The following PRKAR2B variants were observed in gnomAD, a reference collection of about 807,000 sequenced individuals.
The protein encoded by PRKAR2B is protein kinase cAMP-dependent type II regulatory subunit beta, also known as cAMP-dependent protein kinase type II-beta regulatory subunit.
Under a neutral mutation model 49.9 loss-of-function variants are expected in PRKAR2B, and 14 were observed. The observed-to-expected ratio is 0.28, with a 90% CI of 0.19 to 0.44. The LOEUF is 0.44. PRKAR2B is among the 20% of genes least tolerant of loss of function. The probability of loss-of-function intolerance (pLI) is 1.00; values close to 1 mark genes in which losing one functional copy is unlikely to be tolerated. For synonymous variants in PRKAR2B, 196 were observed against 197.7 expected (o/e 0.99, Z 0.07); for missense variants, 393 against 537.9 (o/e 0.73, Z 2.67).
chr7:107,114,324 C>CTG (rs58110858), intron 2 of PRKAR2B, among the ~76,000 whole-genome samples: 5,437 of 130,648 alleles, frequency 0.042, 133 homozygotes, highest in African/African-American at 0.077. Context: ...GCATGTACAG[C>CTG]TGTGTGTGTG....
intron 2 of PRKAR2B, among the ~76,000 whole-genome samples, chr7:107,101,369 T>G (rs1467529993): frequency 6.6e-6 from 1 of 152,124 alleles, no homozygotes; most frequent in Non-Finnish European, 1.5e-5. Flanking sequence ...TTAGGCAGTT[T>G]TCAAGTATAC....
chr7:107,045,359 C>T, intron 1 of PRKAR2B, 145 bp downstream of exon 1: 1 of 678,916 alleles, frequency 1.5e-6, no homozygotes, highest in Non-Finnish European at 2.4e-6. Context: ...CTCGCCCACC[C>T]CCTCAGCATC....
At chr7:107,092,082 A>T (rs11760966) in intron 2 of PRKAR2B, among the ~76,000 whole-genome samples, 18,228 of 152,128 alleles carry the variant, frequency 0.12, 1,294 homozygotes, top group African/African-American at 0.19. Context: ...ATGTTCAGGG[A>T]ATAGTGAATA....
At position 107,151,393 on chromosome 7, in the gene PRKAR2B, T is replaced by G. The variant is rs79188305; in HGVS notation, c.843+370T>G. On this transcript the variant is annotated intron_variant, in intron 7 of 10. Coordinates refer to ENST00000265717, the MANE Select transcript of PRKAR2B (RefSeq NM_002736.3). The stretch of plus-strand genomic sequence containing the variant: ...CTCTGGCCTCTTCCTCTCAGTCATC[T>G]TTGCTGTTTATTCCTCTTTTCTTCT... Among the ~76,000 whole-genome samples, 1,265 of 152,338 alleles carry G rather than the reference T, an allele frequency of 8.3e-3. 24 individuals carry two copies. The highest frequency in any genetic ancestry group is 0.028 in the African/African-American group (1,149 of 41,576).
At chr7:107,101,812 C>G (rs1026211684) in intron 2 of PRKAR2B, among the ~76,000 whole-genome samples, 1 of 150,040 alleles carries the variant, frequency 6.7e-6, no homozygotes, top group Non-Finnish European at 1.5e-5. Context: ...AAATCAGTAG[C>G]TATTTTTATG....
At chr7:107,113,308 C>T (rs896462955) in intron 2 of PRKAR2B, among the ~76,000 whole-genome samples, 11 of 152,038 alleles carry the variant, frequency 7.2e-5, no homozygotes, top group African/African-American at 2.7e-4. Flanking sequence ...AAGAGATGAT[C>T]GTATTATCTA....
chr7:107,056,811 T>A (rs1229896223), intron 1 of PRKAR2B, among the ~76,000 whole-genome samples: 1 of 152,254 alleles, frequency 6.6e-6, no homozygotes, highest in Non-Finnish European at 1.5e-5. Flanking sequence ...AGCTTTAGCC[T>A]ATCTTCAGTT....
intron 5 of PRKAR2B, among the ~76,000 whole-genome samples, chr7:107,142,222 G>A (rs1429693640): frequency 6.6e-6 from 1 of 152,102 alleles, no homozygotes; most frequent in Non-Finnish European, 1.5e-5. Context: ...GGCTCTGTGG[G>A]TGGTATCTTT....
At chr7:107,158,920 G>A (rs1265599440) in intron 10 of PRKAR2B, among the ~76,000 whole-genome samples, 3 of 152,140 alleles carry the variant, frequency 2.0e-5, no homozygotes, top group Non-Finnish European at 4.4e-5. Context: ...CAAGCAAAGT[G>A]ATTTCTAGCA....
intron 4 of PRKAR2B, among the ~76,000 whole-genome samples, chr7:107,135,413 G>A (rs534150847): frequency 6.6e-6 from 1 of 152,258 alleles, no homozygotes; most frequent in African/African-American, 2.4e-5. Flanking sequence ...AGAAAGTGTA[G>A]TAAAATGTAT....
At chr7:107,128,965 A>C (rs1210083372) in intron 4 of PRKAR2B, 1 of 152,066 alleles carries the variant, frequency 6.6e-6, no homozygotes, top group Non-Finnish European at 1.5e-5. Flanking sequence ...ATTGCTGTAT[A>C]GTTATTTAGG....
chr7:107,068,611 A>G (rs1468631171), intron 1 of PRKAR2B: 4 of 152,152 alleles, frequency 2.6e-5, no homozygotes, highest in African/African-American at 9.7e-5. Context: ...TAAATAGTAA[A>G]TATTGTATGT....
chr7:107,050,850 A>AT (rs542332691), intron 1 of PRKAR2B, among the ~76,000 whole-genome samples: 104 of 152,048 alleles, frequency 6.8e-4, no homozygotes, highest in Admixed American at 2.6e-3. Flanking sequence ...TTTAGACTTC[A>AT]TTTTTTTCTG....
chr7:107,154,079 T>A (rs1308361197), intron 8 of PRKAR2B, among the ~76,000 whole-genome samples: 1 of 151,474 alleles, frequency 6.6e-6, no homozygotes, highest in Non-Finnish European at 1.5e-5. Context: ...CATTGCTGAG[T>A]GTGTGTGTGT....
chr7:107,132,791 G>A (rs1192559881), intron 4 of PRKAR2B, among the ~76,000 whole-genome samples: 7 of 152,210 alleles, frequency 4.6e-5, no homozygotes, highest in Middle Eastern at 6.8e-3. Flanking sequence ...TGAATTTCCC[G>A]AAGTCATTAT....
At chr7:107,082,341 T>TC (rs1055645017) in intron 2 of PRKAR2B, among the ~76,000 whole-genome samples, 1 of 152,196 alleles carries the variant, frequency 6.6e-6, no homozygotes, top group Admixed American at 6.5e-5. Flanking sequence ...TATTTATCAT[T>TC]CCCCCCATTT....
chr7:107,153,118 C>G (rs1796018829), intron 7 of PRKAR2B, 59 bp from the exon 8 acceptor site: 7 of 1,358,750 alleles, frequency 5.2e-6, no homozygotes, highest in Non-Finnish European at 7.2e-6. Flanking sequence ...TACTCCCGAA[C>G]TAGATAAGCT....
intron 2 of PRKAR2B, among the ~76,000 whole-genome samples, chr7:107,102,918 G>C (rs190803059): frequency 1.4e-4 from 21 of 152,244 alleles, no homozygotes; most frequent in Non-Finnish European, 2.6e-4. Flanking sequence ...TGATCTGCCC[G>C]CCTCAGCCTC....
At chr7:107,118,913 T>A (rs1182704198) in intron 2 of PRKAR2B, among the ~76,000 whole-genome samples, 2 of 152,130 alleles carry the variant, frequency 1.3e-5, no homozygotes, top group Non-Finnish European at 2.9e-5. Flanking sequence ...TCTAATGTAG[T>A]GAAACAATTG....
Sources: gnomAD v4.1 joint callset for allele counts (sites outside exome capture counted in the v4.1 genomes callset) on GRCh38, gnomAD v4.1.1 for gene constraint, MANE v1.5 for transcripts, NCBI Gene and HGNC (gene_info 2026-07-23, HGNC 2026-07-21) for gene names.